Variants in TRPS1 observed in about 807,000 individuals in gnomAD.
The protein encoded by TRPS1 is transcriptional repressor GATA binding 1.
In TRPS1, 6 loss-of-function variants were observed where a neutral mutation model predicts 101.2. The observed-to-expected ratio is 0.06, with a 90% CI of 0.03 to 0.12. The LOEUF is 0.12. Among genes scored for constraint, TRPS1 ranks in the 10% least tolerant of loss-of-function variants. The pLI is 1.00. For synonymous variants in TRPS1, 578 were observed against 589.8 expected, an observed-to-expected ratio of 0.98 and a Z score of 0.29; for missense variants, 1,363 against 1,567.0, an observed-to-expected ratio of 0.87 and a Z score of 2.20.
intron 1 of TRPS1, among the ~76,000 whole-genome samples, chr8:115,636,174 C>G (rs1818762952): frequency 6.6e-6 from 1 of 151,466 alleles, no homozygotes; most frequent in Admixed American, 6.6e-5. Context: ...TGTATATGTA[C>G]ATACATATAA....
chr8:115,629,562 G>C (rs962754622), intron 1 of TRPS1, among the ~76,000 whole-genome samples: 3 of 151,776 alleles, frequency 2.0e-5, no homozygotes, highest in African/African-American at 7.2e-5. Context: ...ATGCTGTCCA[G>C]CTACCGTGAT....
chr8:115,580,051 A>G (rs1384519698), intron 5 of TRPS1, among the ~76,000 whole-genome samples: 1 of 152,040 alleles, frequency 6.6e-6, no homozygotes, highest in East Asian at 1.9e-4. Context: ...CCAAAAGGAA[A>G]AAGGGTCTTC....
intron 1 of TRPS1, among the ~76,000 whole-genome samples, chr8:115,633,403 A>G (rs991901242): frequency 1.3e-5 from 2 of 152,118 alleles, no homozygotes; most frequent in African/African-American, 4.8e-5. Context: ...GGACAAGCAC[A>G]GACACACATC....
intron 5 of TRPS1, among the ~76,000 whole-genome samples, chr8:115,469,648 C>T (rs1163983626): frequency 6.6e-6 from 1 of 151,538 alleles, no homozygotes; most frequent in African/African-American, 2.4e-5. Flanking sequence ...TCCCAAGTAG[C>T]TTCCACCAGA....
intron 5 of TRPS1, among the ~76,000 whole-genome samples, chr8:115,499,915 ATTTCTTTC>A (rs373053040): frequency 0.04 from 5,371 of 134,766 alleles, 135 homozygotes; most frequent in Non-Finnish European, 0.05. Context: ...AAAGTGCTAA[ATTTCTTTC>A]TTTCTTTCTT....
intron 5 of TRPS1, among the ~76,000 whole-genome samples, chr8:115,564,883 C>T (rs2130378745): frequency 6.6e-6 from 1 of 152,222 alleles, no homozygotes; most frequent in South Asian, 2.1e-4. Context: ...ATTAACTCCA[C>T]TGAATGTTAC....
Position 115,603,937 on chromosome 8 carries a change from C to G in TRPS1, c.2032G>C (p.Glu678Gln). The G allele has an allele frequency of 6.2e-7, 1 of 1,613,932 alleles. No individual in the cohort carries two copies. Among genetic ancestry groups the G allele is most frequent in the Non-Finnish European group, 8.5e-7 (1 of 1,179,946 alleles). Residue 678 changes from glutamate (E) to glutamine (Q), a missense_variant, in exon 4 of 7, where the codon GAA (glutamate) becomes CAA (glutamine). Transcript: ENST00000395715. ...AAATCACATTTGGTACATGAGTGTT[C>G]TTTGCTTTCCTTGACAGACTGCTGC... ...DGQQSVKESK[E>Q]HSCTKCDFIT...
chr8:115,433,708 C>T (rs1268232401), intron 5 of TRPS1, among the ~76,000 whole-genome samples: 1 of 152,092 alleles, frequency 6.6e-6, no homozygotes, highest in Non-Finnish European at 1.5e-5. Flanking sequence ...CAGTACTAAA[C>T]GTACATATGA....
intron 1 of TRPS1, among the ~76,000 whole-genome samples, chr8:115,644,027 C>A (rs983834061): frequency 2.6e-5 from 4 of 152,198 alleles, no homozygotes; most frequent in Non-Finnish European, 5.9e-5. Flanking sequence ...CTCAACAGTG[C>A]ACTTCAACTA....
intron 1 of TRPS1, among the ~76,000 whole-genome samples, chr8:115,646,387 A>G (rs1002129913): frequency 6.6e-6 from 1 of 152,220 alleles, no homozygotes; most frequent in Non-Finnish European, 1.5e-5. Flanking sequence ...ACAGAAGTCT[A>G]TTCCAGACAA....
intron 1 of TRPS1, among the ~76,000 whole-genome samples, chr8:115,633,617 G>A (rs1818699380): frequency 6.6e-6 from 1 of 152,140 alleles, no homozygotes; most frequent in South Asian, 2.1e-4. Flanking sequence ...GAGGAAACTG[G>A]AACTGAAAGG....
chr8:115,492,363 T>C (rs1815045139), intron 5 of TRPS1: 1 of 414,258 alleles, frequency 2.4e-6, no homozygotes, highest in African/African-American at 2.1e-5. Context: ...AGGGTTCCAG[T>C]GTTAGAATAT....
intron 1 of TRPS1, among the ~76,000 whole-genome samples, chr8:115,660,865 T>C (rs908987919): frequency 1.3e-5 from 2 of 151,902 alleles, no homozygotes; most frequent in Non-Finnish European, 2.9e-5. Flanking sequence ...AGGACATAGA[T>C]CAACCCTCAA....
chr8:115,640,418 C>T (rs558940099), intron 1 of TRPS1, among the ~76,000 whole-genome samples: 1 of 152,226 alleles, frequency 6.6e-6, no homozygotes, highest in Non-Finnish European at 1.5e-5. Flanking sequence ...CCCTACTCCA[C>T]AATGCCTCCC....
At chr8:115,496,953 C>T (rs1815163749) in intron 5 of TRPS1, among the ~76,000 whole-genome samples, 2 of 152,080 alleles carry the variant, frequency 1.3e-5, no homozygotes, top group African/African-American at 4.8e-5. Context: ...CTAAAAATTA[C>T]CAAATTTAAA....
chr8:115,621,835 G>C (rs1205477739), intron 2 of TRPS1, among the ~76,000 whole-genome samples: 1 of 151,742 alleles, frequency 6.6e-6, no homozygotes, highest in African/African-American at 2.4e-5. Flanking sequence ...AGAACTGCTT[G>C]AACCCAGGAA....
intron 3 of TRPS1, among the ~76,000 whole-genome samples, chr8:115,614,904 T>C (rs916970592): frequency 6.6e-6 from 1 of 152,188 alleles, no homozygotes; most frequent in African/African-American, 2.4e-5. Context: ...GCTCAAACGA[T>C]TGTACTGATA....
chr8:115,498,610 G>A (rs1264119319), intron 5 of TRPS1, among the ~76,000 whole-genome samples: 1 of 151,558 alleles, frequency 6.6e-6, no homozygotes, highest in East Asian at 1.9e-4. Flanking sequence ...TGTAGTAGAA[G>A]CCATGCATAT....
At chr8:115,523,435 G>T (rs1815917270) in intron 5 of TRPS1, among the ~76,000 whole-genome samples, 1 of 152,016 alleles carries the variant, frequency 6.6e-6, no homozygotes, top group Admixed American at 6.6e-5. Flanking sequence ...TTAGTATCTG[G>T]AAAGCAATTC....
Sources: gnomAD v4.1 joint callset for allele counts (sites outside exome capture counted in the v4.1 genomes callset) on GRCh38, gnomAD v4.1.1 for gene constraint, MANE v1.5 for transcripts, NCBI Gene and HGNC (gene_info 2026-07-23, HGNC 2026-07-21) for gene names.